Variants in FRAS1 observed in about 807,000 individuals in gnomAD.
FRAS1 encodes the protein extracellular matrix organizing protein FRAS1.
Under a neutral mutation model 435.2 loss-of-function variants are expected in FRAS1, and 290 were observed. The ratio of observed to expected loss-of-function variants is 0.67; its 90% CI spans 0.61 to 0.73. FRAS1 has a LOEUF of 0.73. FRAS1 is among the 30% of genes least tolerant of loss of function. The probability of loss-of-function intolerance (pLI) is 0.00; values close to 1 mark genes in which losing one functional copy is unlikely to be tolerated. For synonymous variants in FRAS1, 1,800 were observed against 1,851.0 expected (o/e 0.97, Z 0.71); for missense variants, 4,860 against 5,001.5 (o/e 0.97, Z 0.85).
intron 9 of FRAS1, among the ~76,000 whole-genome samples, chr4:78,275,499 G>T (rs1220176618): frequency 6.6e-6 from 1 of 152,118 alleles, no homozygotes; most frequent in South Asian, 2.1e-4. Context: ...AGCTCTTTTA[G>T]GGCAGGCCTG....
intron 2 of FRAS1, among the ~76,000 whole-genome samples, chr4:78,222,003 C>T (rs1442950509): frequency 6.6e-6 from 1 of 152,116 alleles, no homozygotes; most frequent in Non-Finnish European, 1.5e-5. Context: ...TCCCTGTTAA[C>T]AGTGGGTGTC....
At chr4:78,185,908 T>A (rs1691166175) in intron 2 of FRAS1, among the ~76,000 whole-genome samples, 1 of 152,232 alleles carries the variant, frequency 6.6e-6, no homozygotes. Context: ...CTTTTGTGGT[T>A]CTTTTTGAGG....
chr4:78,112,892 ATG>A (rs1742835741), intron 2 of FRAS1, among the ~76,000 whole-genome samples: 1 of 152,074 alleles, frequency 6.6e-6, no homozygotes, highest in Admixed American at 6.6e-5. Flanking sequence ...TTTGTTTCAT[ATG>A]TATACATGTG....
chr4:78,286,494 C>G lies in FRAS1; in HGVS notation c.1489C>G (p.Pro497Ala). Residue 497 changes from proline (P) to alanine (A), a missense_variant, in exon 14 of 74, where the codon CCT becomes GCT. Coordinates refer to ENST00000512123, the MANE Select transcript of FRAS1 (RefSeq NM_025074.7). ...GCTGATGCGGCACGGGCAGTGTGTG[C>G]CTACCTGTGGGGACGGCTTCTACCA... is the stretch of plus-strand genomic sequence containing the variant. ...PLLMRHGQCV[P>A]TCGDGFYQDR... The G allele has an allele frequency of 6.2e-7, 1 of 1,613,626 alleles. No individual in the cohort carries two copies. Among genetic ancestry groups the G allele is most frequent in the Non-Finnish European group, 8.5e-7 (1 of 1,179,882 alleles).
At chr4:78,138,960 C>A (rs574332455) in intron 2 of FRAS1, among the ~76,000 whole-genome samples, 2 of 152,138 alleles carry the variant, frequency 1.3e-5, no homozygotes, top group Non-Finnish European at 2.9e-5. Flanking sequence ...ACTTCTCTTG[C>A]GTGTGTGTAC....
chr4:78,202,327 A>G (rs1723080071), intron 2 of FRAS1, among the ~76,000 whole-genome samples: 1 of 152,154 alleles, frequency 6.6e-6, no homozygotes, highest in South Asian at 2.1e-4. Flanking sequence ...CTCTGGATGG[A>G]GCAGTGACTC....
At chr4:78,491,693 A>G (rs1332679862) in intron 59 of FRAS1, among the ~76,000 whole-genome samples, 2 of 152,202 alleles carry the variant, frequency 1.3e-5, no homozygotes. Context: ...CACAGCCAAT[A>G]TCATATTGAA....
intron 2 of FRAS1, among the ~76,000 whole-genome samples, chr4:78,199,993 A>G (rs1224649014): frequency 6.6e-6 from 1 of 152,216 alleles, no homozygotes; most frequent in African/African-American, 2.4e-5. Flanking sequence ...AGATATGATA[A>G]GGATAGGCAA....
chr4:78,247,610 C>T (rs1725304838), intron 4 of FRAS1, among the ~76,000 whole-genome samples: 1 of 152,114 alleles, frequency 6.6e-6, no homozygotes, highest in African/African-American at 2.4e-5. Flanking sequence ...AAATGCTTGT[C>T]TGGTCTGGTC....
intron 70 of FRAS1, among the ~76,000 whole-genome samples, chr4:78,532,806 C>T (rs1210165248): frequency 6.6e-6 from 1 of 151,996 alleles, no homozygotes; most frequent in Non-Finnish European, 1.5e-5. Flanking sequence ...TCACGAATGG[C>T]AGGATCTCCT....
chr4:78,320,170 G>C (rs889332582), intron 18 of FRAS1, among the ~76,000 whole-genome samples: 14 of 152,194 alleles, frequency 9.2e-5, no homozygotes. Context: ...TGAAGGGAAG[G>C]TCACCACTCT....
chr4:78,531,551 G>C (rs544613293), intron 70 of FRAS1, among the ~76,000 whole-genome samples: 1 of 152,062 alleles, frequency 6.6e-6, no homozygotes, highest in African/African-American at 2.4e-5. Flanking sequence ...TAGCATAAAG[G>C]GCTGTTGTAT....
At chr4:78,282,704 G>T in intron 11 of FRAS1, 116 bp from the exon 12 acceptor site, 2 of 1,104,906 alleles carry the variant, frequency 1.8e-6, no homozygotes, top group South Asian at 2.7e-5. Context: ...ATTTGGCAGA[G>T]TACTGATTAG....
intron 6 of FRAS1, among the ~76,000 whole-genome samples, chr4:78,262,483 A>G (rs1031135480): frequency 6.6e-6 from 1 of 152,138 alleles, no homozygotes; most frequent in Non-Finnish European, 1.5e-5. Context: ...AGTTGGGAAG[A>G]GATGATGGTT....
chr4:78,341,784 CAG>C (rs2110271827), intron 20 of FRAS1, among the ~76,000 whole-genome samples: 1 of 152,144 alleles, frequency 6.6e-6, no homozygotes, highest in East Asian at 1.9e-4. Flanking sequence ...GTGAGGAAAA[CAG>C]TGTGCTTGAA....
At position 78,496,807 on chromosome 4, in the gene FRAS1, G is replaced by A; in HGVS notation, c.8961G>A (p.Val2987=). The A allele has an allele frequency of 1.2e-6, 2 of 1,611,546 alleles. No homozygotes were observed. The highest frequency in any genetic ancestry group is 2.2e-5 in the East Asian group (1 of 44,792). ...CTGTCTTGTGCCATTGGCTCTAGGT[G>A]AAGAACTGTACGGTCTATATCCACG... The part of the protein sequence containing the change: ...SRITFLKGDK[V]KNCTVYIHDD... Residue 2987 remains valine, a splice_region_variant and synonymous_variant, in exon 60 of 74, where the codon GTG becomes GTA. Coordinates refer to ENST00000512123, the MANE Select transcript of FRAS1 (RefSeq NM_025074.7).
intron 26 of FRAS1, among the ~76,000 whole-genome samples, chr4:78,378,222 T>C (rs2110317137): frequency 6.6e-6 from 1 of 152,266 alleles, no homozygotes; most frequent in Non-Finnish European, 1.5e-5. Flanking sequence ...ATTTTCAAGG[T>C]TCATCCATAT....
At chr4:78,148,836 G>A (rs10518192) in intron 2 of FRAS1, among the ~76,000 whole-genome samples, 5,417 of 152,188 alleles carry the variant, frequency 0.036, 313 homozygotes, top group African/African-American at 0.12. Flanking sequence ...GAATATACAA[G>A]GTTTCTGAAA....
At chr4:78,337,308 T>C (rs903363353) in intron 19 of FRAS1, among the ~76,000 whole-genome samples, 8 of 152,310 alleles carry the variant, frequency 5.3e-5, no homozygotes, top group East Asian at 3.9e-4. Context: ...CCACTCATTC[T>C]TTGAGTCATG....
Sources: allele counts gnomAD v4.1 joint callset (sites outside exome capture counted in the v4.1 genomes callset), GRCh38; gene constraint gnomAD v4.1.1; transcripts MANE v1.5; gene names NCBI Gene and HGNC (gene_info 2026-07-23, HGNC 2026-07-21).